The following ZNF618 variants were observed in gnomAD, a reference collection of about 807,000 sequenced individuals.
ZNF618 encodes the protein zinc finger protein 618.
ZNF618 carries 34 observed loss-of-function variants against 103.0 expected under a neutral mutation model. The observed-to-expected ratio is 0.33, with a 90% CI of 0.25 to 0.44. The LOEUF (loss-of-function observed/expected upper bound fraction) is 0.44. ZNF618 is among the 20% of genes least tolerant of loss of function. The pLI is 1.00. For synonymous variants in ZNF618, 551 were observed against 542.2 expected, an observed-to-expected ratio of 1.02 and a Z score of -0.23; for missense variants, 1,059 against 1,295.4, an observed-to-expected ratio of 0.82 and a Z score of 2.80.
At chr9:113,960,143 C>G (rs1235826222) in intron 1 of ZNF618, among the ~76,000 whole-genome samples, 1 of 152,250 alleles carries the variant, frequency 6.6e-6, no homozygotes, top group East Asian at 1.9e-4. Context: ...TGGGTGTTTT[C>G]CTCACATTAT....
chr9:113,886,441 CAAAAA>C (rs1209513700), intron 1 of ZNF618, among the ~76,000 whole-genome samples: 1 of 151,772 alleles, frequency 6.6e-6, no homozygotes, highest in Non-Finnish European at 1.5e-5. Context: ...TTAGAATACT[CAAAAA>C]GAATAAAAGA....
chr9:113,952,787 A>T (rs1328824953), intron 1 of ZNF618, among the ~76,000 whole-genome samples: 1 of 152,232 alleles, frequency 6.6e-6, no homozygotes, highest in Non-Finnish European at 1.5e-5. Flanking sequence ...TTTACTAAGG[A>T]TGCCTGACCC....
chr9:113,994,024 G>A (rs948252422), intron 3 of ZNF618, among the ~76,000 whole-genome samples: 8 of 152,220 alleles, frequency 5.3e-5, no homozygotes, highest in Admixed American at 2.6e-4. Context: ...ACAAAGTGCA[G>A]GAGCGGGAGT....
intron 13 of ZNF618, among the ~76,000 whole-genome samples, chr9:114,047,451 C>G (rs1029410883): frequency 6.6e-6 from 1 of 152,170 alleles, no homozygotes; most frequent in Non-Finnish European, 1.5e-5. Context: ...GCAAACTTTG[C>G]GAAAGTGAGA....
intron 1 of ZNF618, among the ~76,000 whole-genome samples, chr9:113,926,577 G>GT (rs1833116110): frequency 2.0e-5 from 3 of 151,458 alleles, no homozygotes; most frequent in African/African-American, 7.3e-5. Flanking sequence ...TTTTTTCTCT[G>GT]TTTTTTCTAT....
chr9:114,014,749 G>A (rs1842520022), intron 9 of ZNF618, among the ~76,000 whole-genome samples: 1 of 144,042 alleles, frequency 6.9e-6, no homozygotes, highest in Non-Finnish European at 1.5e-5. Context: ...AACATGGATT[G>A]CAGGACACAA....
chr9:113,923,207 A>G (rs959582358), intron 1 of ZNF618, among the ~76,000 whole-genome samples: 1 of 152,144 alleles, frequency 6.6e-6, no homozygotes, highest in African/African-American at 2.4e-5. Flanking sequence ...GATTTTCTAT[A>G]TGGACAATCA....
chr9:113,892,656 T>C (rs1829713727), intron 1 of ZNF618, among the ~76,000 whole-genome samples: 1 of 152,158 alleles, frequency 6.6e-6, no homozygotes, highest in Non-Finnish European at 1.5e-5. Context: ...ATAAATAATA[T>C]GAAATAACTG....
chr9:113,952,760 T>C (rs558921157), intron 1 of ZNF618, among the ~76,000 whole-genome samples: 2 of 152,362 alleles, frequency 1.3e-5, no homozygotes, highest in South Asian at 4.1e-4. Context: ...ACACACTAAG[T>C]GGTGAGGACA....
intron 13 of ZNF618, among the ~76,000 whole-genome samples, chr9:114,041,453 T>G (rs1845171861): frequency 6.6e-6 from 1 of 152,242 alleles, no homozygotes; most frequent in Non-Finnish European, 1.5e-5. Flanking sequence ...AGGGTTTTTA[T>G]AGTTTTAGGT....
At chr9:114,002,798 G>C in intron 6 of ZNF618, 136 bp downstream of exon 6, 1 of 950,036 alleles carries the variant, frequency 1.1e-6, no homozygotes, top group Non-Finnish European at 1.5e-6. Flanking sequence ...CAAGCTTGGG[G>C]GCCAGACCAT....
intron 3 of ZNF618, among the ~76,000 whole-genome samples, chr9:113,994,742 C>T (rs1588272566): frequency 6.6e-6 from 1 of 152,114 alleles, no homozygotes. Flanking sequence ...ACATTGATGC[C>T]TCTGGGGTTA....
chr9:113,891,139 C>T lies in ZNF618; in HGVS notation c.33+14726C>T, dbSNP rs369979262. ...TTATATTTGTGTGTTTTGGATTCTT[C>T]GTGTGTATGTGTATATGTGTGCCAC... On this transcript the variant is annotated intron_variant, in intron 1 of 14. Transcript: ENST00000374126. Among the ~76,000 whole-genome samples, 39 of 152,098 alleles carry T rather than the reference C, an allele frequency of 2.6e-4. No individual in the cohort carries two copies. In the East Asian group the frequency reaches 3.5e-3, roughly 14 times the overall value.
intron 1 of ZNF618, among the ~76,000 whole-genome samples, chr9:113,908,802 A>G (rs2131390617): frequency 6.6e-6 from 1 of 152,128 alleles, no homozygotes; most frequent in South Asian, 2.1e-4. Context: ...TGGAATGTCA[A>G]GGCCATTCAT....
At chr9:113,944,798 T>C (rs993905794) in intron 1 of ZNF618, among the ~76,000 whole-genome samples, 12 of 152,264 alleles carry the variant, frequency 7.9e-5, no homozygotes, top group African/African-American at 2.4e-4. Context: ...TTACACATTT[T>C]TGATTTTTTA....
At chr9:113,968,083 A>G (rs1837587888) in intron 1 of ZNF618, among the ~76,000 whole-genome samples, 1 of 152,232 alleles carries the variant, frequency 6.6e-6, no homozygotes, top group Admixed American at 6.5e-5. Flanking sequence ...AAATTCAAAA[A>G]AACTCAAAAA....
Position 113,988,380 on chromosome 9 carries a change from C to G in ZNF618, c.137C>G (p.Ala46Gly). 6.2e-7 allele frequency: 1 copy of G among 1,613,526 alleles called. No homozygotes were observed. ...GTGGAGGGCCCAGAGCCAGTGCCAG[C>G]CGAGGCCTCGCTGAGTGCCGAGCAA... ...TKVEGPEPVP[A>G]EASLSAEQGT... The change falls in exon 3 of 15, where the codon GCC becomes GGC. Residue 46 changes from alanine to glycine, a missense_variant. By Grantham distance (60) the Ala-to-Gly change is moderately conservative. This residue lies in a region of ZNF618 where 194 missense variants were observed against 209.0 expected (regional missense o/e 0.93). Transcript: ENST00000374126.
chr9:114,038,433 C>T (rs1260577358), intron 13 of ZNF618, among the ~76,000 whole-genome samples: 1 of 152,216 alleles, frequency 6.6e-6, no homozygotes, highest in East Asian at 1.9e-4. Flanking sequence ...GCCGGCCATC[C>T]AGCGCAAAGC....
intron 1 of ZNF618, among the ~76,000 whole-genome samples, chr9:113,916,164 A>G (rs1198002528): frequency 2.6e-5 from 4 of 151,970 alleles, no homozygotes; most frequent in Admixed American, 2.6e-4. Context: ...CTTTTTTTGC[A>G]ACAGCTCTGT....
Sources: gnomAD v4.1 joint callset for allele counts (sites outside exome capture counted in the v4.1 genomes callset) on GRCh38, gnomAD v4.1.1 for gene constraint, gnomAD v4.1.1 regional missense constraint, MANE v1.5 for transcripts, NCBI Gene and HGNC (gene_info 2026-07-23, HGNC 2026-07-21) for gene names.